Variants in UCK2 observed in about 807,000 individuals in gnomAD.
UCK2 encodes uridine-cytidine kinase 2, also known as cytidine monophosphokinase 2.
Under a neutral mutation model 30.8 loss-of-function variants are expected in UCK2, and 6 were observed. The observed-to-expected ratio is 0.19, with a 90% CI of 0.11 to 0.38. The LOEUF (loss-of-function observed/expected upper bound fraction) is 0.38, where lower values mean the gene tolerates loss of function less well. Ranked by LOEUF, UCK2 falls within the 10% of genes least tolerant of loss-of-function variation. The pLI, the probability that UCK2 is intolerant of heterozygous loss-of-function variation, is 1.00. For missense variants in UCK2, 210 were observed against 339.8 expected (o/e 0.62, Z 3.00); for synonymous variants, 125 against 133.6 (o/e 0.94, Z 0.45).
chr1:165,835,669 AT>A (rs1006823329), intron 1 of UCK2, among the ~76,000 whole-genome samples: 6 of 152,210 alleles, frequency 3.9e-5, no homozygotes, highest in African/African-American at 1.4e-4. Context: ...ATTGTCATAC[AT>A]TTTAAAACAT....
intron 1 of UCK2, among the ~76,000 whole-genome samples, chr1:165,832,488 T>C (rs16851292): frequency 0.054 from 8,252 of 152,324 alleles, 330 homozygotes; most frequent in East Asian, 0.17. Flanking sequence ...CATTAAAGCA[T>C]TTGATTATCT....
chr1:165,863,217 A>G (rs1347163471), intron 1 of UCK2, among the ~76,000 whole-genome samples: 1 of 152,240 alleles, frequency 6.6e-6, no homozygotes, highest in Non-Finnish European at 1.5e-5. Context: ...ATGGAAAATT[A>G]GCAAGGCAAA....
rs180805400 is a variant in UCK2 at position 165,829,649 on chromosome 1, C to T, written c.99+1717C>T. Among the ~76,000 whole-genome samples, 20 of 152,314 alleles carry T rather than the reference C, an allele frequency of 1.3e-4. No homozygotes were observed. In the South Asian group the frequency reaches 2.3e-3, roughly 17 times the overall value. ...GGTGAATAACTCTGTTATTGTTCTT[C>T]TTGTGTGTTTCTCAGTCGTCACCTG... On this transcript the variant is annotated intron_variant, in intron 1 of 6. Coordinates refer to ENST00000367879, the MANE Select transcript of UCK2 (RefSeq NM_012474.5).
chr1:165,874,412 C>T (rs550266604), intron 1 of UCK2, among the ~76,000 whole-genome samples: 4 of 152,172 alleles, frequency 2.6e-5, no homozygotes, highest in Non-Finnish European at 4.4e-5. Flanking sequence ...CCAGTGGCAG[C>T]GGGCTTGGCA....
chr1:165,888,642 C>CTTT (rs60874109), intron 1 of UCK2, among the ~76,000 whole-genome samples: 1,218 of 71,072 alleles, frequency 0.017, 2 homozygotes, highest in Middle Eastern at 0.03. Flanking sequence ...CTTTCTTCTT[C>CTTT]TTTTTTTTTT....
chr1:165,878,034 A>G (rs1393521022), intron 1 of UCK2, among the ~76,000 whole-genome samples: 2 of 152,180 alleles, frequency 1.3e-5, no homozygotes, highest in Non-Finnish European at 2.9e-5. Context: ...GCTGTTGTAC[A>G]TTGAGTGGGT....
chr1:165,849,441 A>G (rs1171321881), intron 1 of UCK2, among the ~76,000 whole-genome samples: 1 of 152,200 alleles, frequency 6.6e-6, no homozygotes, highest in Non-Finnish European at 1.5e-5. Flanking sequence ...GCTGCAGTCA[A>G]TGAAATTGTC....
At chr1:165,858,186 A>G (rs59075935) in intron 1 of UCK2, among the ~76,000 whole-genome samples, 1 of 152,166 alleles carries the variant, frequency 6.6e-6, no homozygotes, top group Non-Finnish European at 1.5e-5. Flanking sequence ...TTAAAGATTG[A>G]TAGTCTGTGC....
rs76464312 is a variant in UCK2 at position 165,855,510 on chromosome 1, C to CTT, written c.99+27595_99+27596dup. The stretch of plus-strand genomic sequence containing the variant: ...CGGTCACTTCCCAGTTTTTTCTTTT[C>CTT]TTTTTTTTTTTTTTTTTTCTTGCAA... On this transcript the variant is annotated intron_variant, in intron 1 of 6. Transcript: ENST00000367879. Among the ~76,000 whole-genome samples, 128 of 128,200 alleles carry CTT rather than the reference C, an allele frequency of 1.0e-3. No homozygotes were observed. The East Asian group carries it at 0.012, about 12-fold the overall frequency. The allele number at this position is 128,200 out of a possible 152,430, so 84.1% of individuals were successfully genotyped here.
At chr1:165,885,623 C>T (rs949121913) in intron 1 of UCK2, among the ~76,000 whole-genome samples, 3 of 152,192 alleles carry the variant, frequency 2.0e-5, no homozygotes, top group Non-Finnish European at 4.4e-5. Context: ...GCTGAACTCA[C>T]GCTCCAGTGG....
At chr1:165,853,358 T>A (rs10918294) in intron 1 of UCK2, among the ~76,000 whole-genome samples, 60,476 of 138,824 alleles carry the variant, frequency 0.44, 12,146 homozygotes, top group Middle Eastern at 0.59. Context: ...TATTTGATAT[T>A]TTTTTTTTTG....
chr1:165,882,697 C>T (rs1349592314), intron 1 of UCK2, among the ~76,000 whole-genome samples: 2 of 152,122 alleles, frequency 1.3e-5, no homozygotes, highest in East Asian at 3.9e-4. Flanking sequence ...GAATCCACTC[C>T]CTCAAGCCCT....
chr1:165,901,782 T>C (rs10918307), intron 4 of UCK2, among the ~76,000 whole-genome samples: 15,799 of 151,956 alleles, frequency 0.1, 2,388 homozygotes, highest in African/African-American at 0.33. Context: ...AGCGGCAGAA[T>C]GAGGGTGATC....
intron 1 of UCK2, among the ~76,000 whole-genome samples, chr1:165,867,999 T>C (rs930786195): frequency 1.3e-5 from 2 of 152,176 alleles, no homozygotes; most frequent in Non-Finnish European, 2.9e-5. Flanking sequence ...TCAAAATCAC[T>C]CTGATCCATG....
chr1:165,830,878 A>G (rs1378316176), intron 1 of UCK2, among the ~76,000 whole-genome samples: 1 of 151,544 alleles, frequency 6.6e-6, no homozygotes, highest in East Asian at 2.0e-4. Context: ...TATAAAATGA[A>G]AATTGTGGTG....
chr1:165,907,608 C>T, intron 6 of UCK2, 76 bp from the exon 7 acceptor site: 1 of 1,542,984 alleles, frequency 6.5e-7, no homozygotes, highest in South Asian at 1.2e-5. Flanking sequence ...GCATGCCCTT[C>T]CCCCAGACAG....
intron 1 of UCK2, among the ~76,000 whole-genome samples, chr1:165,859,917 T>TCACCCTGC (rs1654852239): frequency 6.6e-6 from 1 of 152,176 alleles, no homozygotes; most frequent in Non-Finnish European, 1.5e-5. Flanking sequence ...TCCACCCTGC[T>TCACCCTGC]TTGCCCATCA....
intron 1 of UCK2, among the ~76,000 whole-genome samples, chr1:165,844,378 T>G (rs1254466340): frequency 1.3e-5 from 2 of 152,202 alleles, no homozygotes; most frequent in Admixed American, 6.5e-5. Flanking sequence ...ATGTGTTTGG[T>G]CTCTGCCCCC....
At chr1:165,840,577 G>A (rs181769379) in intron 1 of UCK2, among the ~76,000 whole-genome samples, 1 of 152,332 alleles carries the variant, frequency 6.6e-6, no homozygotes, top group African/African-American at 2.4e-5. Flanking sequence ...AGGAATGGAG[G>A]CATTGATAGT....
Sources: allele counts gnomAD v4.1 joint callset (sites outside exome capture counted in the v4.1 genomes callset), GRCh38; gene constraint gnomAD v4.1.1; transcripts MANE v1.5; gene names NCBI Gene and HGNC (gene_info 2026-07-23, HGNC 2026-07-21).